The following NBPF15 variants were observed in gnomAD, a reference collection of about 807,000 sequenced individuals.
NBPF15 encodes the protein NBPF family member NBPF15.
In NBPF15, 74 loss-of-function variants were observed where a neutral mutation model predicts 62.2. That is an observed-to-expected ratio of 1.19 (90% CI 0.99 to 1.44). The LOEUF (loss-of-function observed/expected upper bound fraction) is 1.44. NBPF15 is among the 40% of genes most tolerant of loss of function. NBPF15 has a pLI of 0.00. For missense variants in NBPF15, 790 were observed against 550.0 expected, an observed-to-expected ratio of 1.44 and a Z score of -4.36; for synonymous variants, 244 against 209.7, an observed-to-expected ratio of 1.16 and a Z score of -1.41.
chr1:144,422,920 G>A lies in NBPF15; in HGVS notation c.*93C>T. On this transcript the variant is annotated 3_prime_UTR_variant, in exon 22 of 22. Transcript: ENST00000581897. ...TGCTCACTGACCCATCCTATGTCTG[G>A]GCTTCCAAATGGAACTGTACTTTCA... 1 of 1,610,724 alleles carries A rather than the reference G, an allele frequency of 6.2e-7. No individual in the cohort carries two copies. The highest frequency in any genetic ancestry group is 8.5e-7 in the Non-Finnish European group (1 of 1,179,210).
At position 144,444,891 on chromosome 1, in the gene NBPF15, G is replaced by A. The variant is rs1420119776; in HGVS notation, c.-191+3884C>T. Among the ~76,000 whole-genome samples, 18 of 152,072 alleles carry A rather than the reference G, an allele frequency of 1.2e-4. No homozygotes were observed. The South Asian group carries it at 3.1e-3, about 26-fold the overall frequency. On this transcript the variant is annotated intron_variant, in intron 6 of 21. Coordinates refer to ENST00000581897, the MANE Select transcript of NBPF15 (RefSeq NM_001385408.1). The stretch of plus-strand genomic sequence containing the variant: ...TGCAGACACAGTGTGTAAATTCCTA[G>A]GAAGGGAATGACTGTCTATCTGATT...
intron 8 of NBPF15, among the ~76,000 whole-genome samples, chr1:144,438,532 T>C (rs1326872396): frequency 1.3e-5 from 2 of 152,030 alleles, no homozygotes; most frequent in Admixed American, 6.6e-5. Flanking sequence ...ATATCTTCAG[T>C]TATGATTTTA....
In NBPF15 at chr1:144,437,053, T is replaced by C; in HGVS notation, c.335A>G (p.Lys112Arg). The C allele has an allele frequency of 6.2e-7, 1 of 1,612,172 alleles. No homozygotes were observed. Among genetic ancestry groups the C allele is most frequent in the East Asian group, 2.2e-5 (1 of 44,870 alleles). The change falls in exon 10 of 22, where the codon AAG becomes AGG. Residue 112 changes from lysine (K) to arginine (R), a missense_variant. By Grantham distance (26) the Lys-to-Arg change is conservative (BLOSUM62 2). Transcript: ENST00000581897. ...GGAGGCATCTCTCCCTTCCCGTAAC[T>C]TCTCCCTTAACTGGGTCAGCTCTCG... is the stretch of plus-strand genomic sequence containing the variant. Reference protein sequence around the residue: ...QERELTQLREKLREGRDASRS... With the variant: ...QERELTQLRERLREGRDASRS...
rs200131555 is a variant in NBPF15, at chr1:144,422,959, G to T, written c.*54C>A. On this transcript the variant is annotated 3_prime_UTR_variant, in exon 22 of 22. Coordinates refer to ENST00000581897, the MANE Select transcript of NBPF15 (RefSeq NM_001385408.1). Reference sequence around the variant, plus strand: ...ACTGTACTTTCATTCAAATCTTCTCGTGCCTATAGGTCCTGCCTGCAGGAA... The same window carrying T: ...ACTGTACTTTCATTCAAATCTTCTCTTGCCTATAGGTCCTGCCTGCAGGAA... The T allele has an allele frequency of 1.2e-6, 2 of 1,611,504 alleles. No homozygotes were observed. Among genetic ancestry groups the T allele is most frequent in the African/African-American group, 1.3e-5 (1 of 74,888 alleles).
chr1:144,445,856 T>C (rs1687138984), intron 6 of NBPF15, among the ~76,000 whole-genome samples: 1 of 133,644 alleles, frequency 7.5e-6, no homozygotes, highest in South Asian at 2.7e-4. Context: ...GACTTTCCTT[T>C]TTTTTTTTTT....
intron 6 of NBPF15, among the ~76,000 whole-genome samples, chr1:144,445,408 T>C (rs1686798564): frequency 6.9e-6 from 1 of 145,352 alleles, no homozygotes; most frequent in Non-Finnish European, 1.5e-5. Context: ...TGTATACATA[T>C]ATATATGTCC....
At chr1:144,427,755 A>G (rs1467870453) in intron 16 of NBPF15, 63 bp downstream of exon 16, 21 of 604,554 alleles carry the variant, frequency 3.5e-5, no homozygotes, top group Non-Finnish European at 5.9e-5. Context: ...CACTTGCAGT[A>G]GGAATATGAC....
chr1:144,439,891 A>T lies in NBPF15; in HGVS notation c.113T>A (p.Leu38His). The T allele has an allele frequency of 6.2e-7, 1 of 1,611,246 alleles. No individual in the cohort carries two copies. The highest frequency in any genetic ancestry group is 8.5e-7 in the Non-Finnish European group (1 of 1,179,108). ...LAEKKQQFRNLKEKCFLTQLA... is the reference protein window; with the variant it reads ...LAEKKQQFRNHKEKCFLTQLA... ...TTGAGTTAGAAAACATTTCTCTTTG[A>T]GGTTTCTGAACTGCTGTTTCTTCTC... Residue 38 changes from leucine (L) to histidine (H), a missense_variant, in exon 8 of 22, where the codon CTC becomes CAC. Leu to His is a moderately conservative substitution (Grantham distance 99). Transcript: ENST00000581897.
intron 17 of NBPF15, 96 bp downstream of exon 17, chr1:144,426,951 T>C (rs1571109366): frequency 3.2e-6 from 2 of 628,566 alleles, no homozygotes; most frequent in East Asian, 2.7e-5. Flanking sequence ...TCAACCTTCG[T>C]TGAAAACATG....
At position 144,458,738 on chromosome 1, in the gene NBPF15, T is replaced by G. The variant is rs61812057; in HGVS notation, c.-701+628A>C. Among the ~76,000 whole-genome samples the G allele has an allele frequency of 2.0e-5, 3 of 151,912 alleles. 1 individual carries two copies. Among genetic ancestry groups the G allele is most frequent in the Non-Finnish European group, 4.4e-5 (3 of 67,974 alleles). ...GTGCTGGATCAAGCAGACACATCCA[T>G]GTAGTAAAAAGTGAATCATAGCCGG... is the stretch of plus-strand genomic sequence containing the variant. On this transcript the variant is annotated intron_variant, in intron 3 of 21. Transcript: ENST00000581897.
intron 6 of NBPF15, among the ~76,000 whole-genome samples, chr1:144,447,111 CG>C: frequency 6.6e-6 from 1 of 152,398 alleles, no homozygotes; most frequent in East Asian, 1.9e-4. Context: ...CCAAGTCCCA[CG>C]GCCTGTCCTC....
intron 6 of NBPF15, among the ~76,000 whole-genome samples, chr1:144,441,008 G>A (rs1682544486): frequency 6.6e-6 from 1 of 151,632 alleles, no homozygotes; most frequent in African/African-American, 2.4e-5. Context: ...CCACTAATTT[G>A]TTTGATTGTG....
At chr1:144,435,449 G>A in intron 11 of NBPF15, 133 bp from the exon 12 acceptor site, 5 of 1,408,342 alleles carry the variant, frequency 3.6e-6, no homozygotes, top group Non-Finnish European at 4.0e-6. Context: ...TTCCCATTAA[G>A]AGGGAACATG....
At chr1:144,427,667 G>T in intron 16 of NBPF15, 151 bp downstream of exon 16, 3 of 636,788 alleles carry the variant, frequency 4.7e-6, no homozygotes. Context: ...GCTTCCAAGT[G>T]GAACTAGAGT....
At position 144,426,394 on chromosome 1, in the gene NBPF15, T is replaced by A; in HGVS notation, c.1322A>T (p.Asp441Val). The A allele has an allele frequency of 2.4e-6, 2 of 824,970 alleles. No individual in the cohort carries two copies. Among genetic ancestry groups the A allele is most frequent in the Non-Finnish European group, 4.3e-6 (2 of 461,300 alleles). 51.1% of individuals were successfully genotyped at this position (824,970 alleles called of 1,614,324 possible). ...ATCTGAAGGAGTCGAATAACATCTA[T>A]CCAGTGAGTCCTGCAAGACTTCAGG... ...KEPEVLQDSL[D>V]RCYSTPSDYL... Residue 441 changes from aspartate to valine, a missense_variant, in exon 18 of 22, where the codon GAT becomes GTT. By Grantham distance (152) the Asp-to-Val change is radical. Transcript: ENST00000581897.
intron 13 of NBPF15, among the ~76,000 whole-genome samples, chr1:144,432,084 A>G (rs1210373705): frequency 1.1e-4 from 17 of 152,162 alleles, no homozygotes; most frequent in Admixed American, 2.6e-4. Flanking sequence ...TTCCACAATC[A>G]TTGAACTAGT....
intron 6 of NBPF15, among the ~76,000 whole-genome samples, chr1:144,445,588 C>T (rs1190957176): frequency 1.3e-5 from 2 of 148,976 alleles, no homozygotes; most frequent in South Asian, 2.1e-4. Context: ...TATAATATTG[C>T]TATTTTATTA....
rs1553541828 is a variant in NBPF15 at position 144,438,387 on chromosome 1, G to A, written c.176-340C>T. 2.6e-5 allele frequency among the ~76,000 whole-genome samples: 4 copies of A among 151,992 alleles called. No homozygotes were observed. In the Middle Eastern group the frequency reaches 0.01, roughly 388 times the overall value. ...CTTGCAGCCTCTCCTCTAAAACACT[G>A]CACTGGGGCATGAAGTAGTGATTTC... On this transcript the variant is annotated intron_variant, in intron 8 of 21. Transcript: ENST00000581897.
chr1:144,426,915 C>T (rs1443042855), intron 17 of NBPF15, 132 bp downstream of exon 17: 17 of 579,066 alleles, frequency 2.9e-5, no homozygotes, highest in Non-Finnish European at 4.9e-5. Flanking sequence ...GCAATGAAAA[C>T]CAACAGCAAT....
Sources: allele counts gnomAD v4.1 joint callset (sites outside exome capture counted in the v4.1 genomes callset), GRCh38; gene constraint gnomAD v4.1.1; transcripts MANE v1.5; gene names NCBI Gene and HGNC (gene_info 2026-07-23, HGNC 2026-07-21).